Variants in ETFA observed in about 807,000 individuals in gnomAD.
ETFA encodes electron transfer flavoprotein subunit alpha, also known as electron transfer flavoprotein subunit alpha, mitochondrial.
A neutral mutation model predicts 46.2 loss-of-function variants in ETFA; 22 were observed. The observed-to-expected ratio is 0.48, with a 90% CI of 0.34 to 0.68. The LOEUF (loss-of-function observed/expected upper bound fraction) is 0.68. ETFA is among the 30% of genes least tolerant of loss of function. The pLI, the probability that ETFA is intolerant of heterozygous loss-of-function variation, is 0.01. For missense variants in ETFA, 345 were observed against 401.1 expected, an observed-to-expected ratio of 0.86 and a Z score of 1.19; for synonymous variants, 131 against 139.9, an observed-to-expected ratio of 0.94 and a Z score of 0.45.
intron 2 of ETFA, among the ~76,000 whole-genome samples, chr15:76,295,298 G>C (rs1272175402): frequency 6.6e-6 from 1 of 152,190 alleles, no homozygotes; most frequent in Non-Finnish European, 1.5e-5. Flanking sequence ...AAAGAGATCA[G>C]CTATTAACCT....
chr15:76,275,964 G>A (rs1050850186), intron 8 of ETFA, among the ~76,000 whole-genome samples: 2 of 152,040 alleles, frequency 1.3e-5, no homozygotes, highest in Non-Finnish European at 2.9e-5. Flanking sequence ...ATATGTAATT[G>A]AATACAATGT....
chr15:76,257,120 C>T (rs944995345), intron 9 of ETFA, among the ~76,000 whole-genome samples: 2 of 152,176 alleles, frequency 1.3e-5, no homozygotes, highest in Non-Finnish European at 2.9e-5. Context: ...CAGCAACTAA[C>T]AGCTTGGAAA....
At chr15:76,304,292 G>A (rs919758778) in intron 1 of ETFA, among the ~76,000 whole-genome samples, 5 of 152,188 alleles carry the variant, frequency 3.3e-5, no homozygotes, top group African/African-American at 4.8e-5. Context: ...CCTATTTGAG[G>A]GTGGAGGGTG....
chr15:76,239,165 A>T (rs1172426138), intron 9 of ETFA, among the ~76,000 whole-genome samples: 1 of 152,212 alleles, frequency 6.6e-6, no homozygotes, highest in African/African-American at 2.4e-5. Flanking sequence ...CCTATTTTAT[A>T]GAAGAGAAAG....
chr15:76,241,447 T>A (rs936014492), intron 9 of ETFA, among the ~76,000 whole-genome samples: 4 of 151,524 alleles, frequency 2.6e-5, no homozygotes, highest in African/African-American at 9.7e-5. Flanking sequence ...GAAGCTGCAG[T>A]GAGATGTGAT....
intron 9 of ETFA, among the ~76,000 whole-genome samples, chr15:76,234,023 A>G (rs926645233): frequency 3.9e-5 from 6 of 152,210 alleles, no homozygotes; most frequent in Admixed American, 1.3e-4. Flanking sequence ...ATTGACTTTA[A>G]CCATAAGTGT....
intron 9 of ETFA, among the ~76,000 whole-genome samples, chr15:76,243,743 G>A (rs1035513339): frequency 1.3e-5 from 2 of 151,532 alleles, no homozygotes; most frequent in Non-Finnish European, 2.9e-5. Context: ...AGGTTGCAGT[G>A]AGCCCAGATC....
intron 9 of ETFA, among the ~76,000 whole-genome samples, chr15:76,272,224 T>G (rs1219528726): frequency 6.8e-6 from 1 of 146,160 alleles, no homozygotes; most frequent in African/African-American, 2.5e-5. Flanking sequence ...CTTTCTTTCT[T>G]TTTTTTTTTT....
Position 76,216,840 on chromosome 15 carries a change from C to CT in ETFA, c.964-244dup, listed in dbSNP as rs373144812. On this transcript the variant is annotated intron_variant, in intron 11 of 11. Coordinates refer to ENST00000557943, the MANE Select transcript of ETFA (RefSeq NM_000126.4). ...CACTCATTGCCTAGGTGCCTTTTGC[C>CT]TTTTTTTTTTTTTTTTTTTTTTTGA... is the stretch of plus-strand genomic sequence containing the variant. Among the ~76,000 whole-genome samples the CT allele has an allele frequency of 0.026, 2,348 of 89,190 alleles. 200 individuals carry two copies. Among genetic ancestry groups the CT allele is most frequent in the African/African-American group, 0.084 (1,794 of 21,328 alleles). 58.5% of individuals were successfully genotyped at this position (89,190 alleles called of 152,430 possible).
intron 9 of ETFA, among the ~76,000 whole-genome samples, chr15:76,241,072 T>C (rs2039180717): frequency 6.6e-6 from 1 of 152,172 alleles, no homozygotes; most frequent in African/African-American, 2.4e-5. Context: ...AAAAGCCAAG[T>C]ATATTATTAT....
At chr15:76,228,751 C>CTT (rs990306452) in intron 10 of ETFA, 24,946 of 115,094 alleles carry the variant, frequency 0.22, 3,496 homozygotes, top group East Asian at 0.46. Context: ...ATTATTATTA[C>CTT]TTTTTTTTTT....
intron 1 of ETFA, among the ~76,000 whole-genome samples, chr15:76,297,469 A>C (rs995950598): frequency 2.0e-5 from 3 of 152,032 alleles, no homozygotes; most frequent in African/African-American, 4.8e-5. Flanking sequence ...TTACCAATAT[A>C]TATCCGGCAT....
chr15:76,266,514 C>A (rs941454774), intron 9 of ETFA, among the ~76,000 whole-genome samples: 1 of 152,164 alleles, frequency 6.6e-6, no homozygotes, highest in African/African-American at 2.4e-5. Flanking sequence ...GCTGTAAATG[C>A]GGCAGGGTTA....
At chr15:76,237,876 A>G (rs77022998) in intron 9 of ETFA, among the ~76,000 whole-genome samples, 1 of 151,990 alleles carries the variant, frequency 6.6e-6, no homozygotes, top group African/African-American at 2.4e-5. Context: ...ACTGGGAAAA[A>G]TTTTCTTTGA....
chr15:76,232,332 G>A (rs2039077350), intron 9 of ETFA, among the ~76,000 whole-genome samples: 1 of 152,196 alleles, frequency 6.6e-6, no homozygotes, highest in African/African-American at 2.4e-5. Flanking sequence ...TACCAGGTAT[G>A]ATTAAAGCTT....
intron 9 of ETFA, among the ~76,000 whole-genome samples, chr15:76,273,714 G>GT (rs1158840785): frequency 7.3e-6 from 1 of 136,736 alleles, no homozygotes; most frequent in African/African-American, 2.4e-5. Flanking sequence ...ACTGCATATT[G>GT]TTTTGAAATA....
chr15:76,231,166 A>G (rs2039062911), intron 10 of ETFA, 167 bp downstream of exon 10: 2 of 622,258 alleles, frequency 3.2e-6, no homozygotes, highest in Admixed American at 5.1e-5. Flanking sequence ...TCTGTGACCA[A>G]TAATTTTTAA....
intron 9 of ETFA, among the ~76,000 whole-genome samples, chr15:76,271,702 G>A (rs1248214346): frequency 6.6e-6 from 1 of 152,044 alleles, no homozygotes; most frequent in Non-Finnish European, 1.5e-5. Context: ...TAGTTATTAG[G>A]AAAATGTCCT....
chr15:76,260,781 T>C (rs930405975), intron 9 of ETFA: 11 of 1,604,138 alleles, frequency 6.9e-6, no homozygotes, highest in African/African-American at 4.0e-5. Context: ...CCAGTCAGCA[T>C]AAGGAGAGGG....
Sources: allele counts gnomAD v4.1 joint callset (sites outside exome capture counted in the v4.1 genomes callset), GRCh38; gene constraint gnomAD v4.1.1; transcripts MANE v1.5; gene names NCBI Gene and HGNC (gene_info 2026-07-23, HGNC 2026-07-21).